The following KCNIP2 variants were observed in gnomAD, a reference collection of about 807,000 sequenced individuals.
KCNIP2 encodes potassium voltage-gated channel interacting protein 2.
Under a neutral mutation model 39.0 loss-of-function variants are expected in KCNIP2, and 19 were observed. That is an observed-to-expected ratio of 0.49 (90% CI 0.34 to 0.71). The LOEUF (loss-of-function observed/expected upper bound fraction) is 0.71. KCNIP2 is among the 30% of genes least tolerant of loss of function. KCNIP2 has a pLI of 0.01. For synonymous variants in KCNIP2, 111 were observed against 131.2 expected (o/e 0.85, Z 1.05); for missense variants, 261 against 346.0 (o/e 0.75, Z 1.95).
chr10:101,840,004 A>C, intron 1 of KCNIP2: 2 of 319,282 alleles, frequency 6.3e-6, no homozygotes, highest in Non-Finnish European at 1.0e-5. Context: ...GCCGCACGAG[A>C]GGAGCTCACC....
At chr10:101,829,365 A>G in intron 3 of KCNIP2, 166 bp from the exon 4 acceptor site, 1 of 850,678 alleles carries the variant, frequency 1.2e-6, no homozygotes, top group Non-Finnish European at 1.7e-6. Context: ...TAAGGAGAAA[A>G]GATGATGGCC....
chr10:101,840,873 A>G (rs1323171255), intron 1 of KCNIP2, among the ~76,000 whole-genome samples: 1 of 151,980 alleles, frequency 6.6e-6, no homozygotes, highest in Non-Finnish European at 1.5e-5. Context: ...AACAATACTC[A>G]GGGCCGGAGG....
At chr10:101,827,473 G>T (rs925353773) in intron 9 of KCNIP2, 73 bp from the exon 10 acceptor site, 2 of 1,491,136 alleles carry the variant, frequency 1.3e-6, no homozygotes, top group South Asian at 1.2e-5. Flanking sequence ...CAGTGAGAGG[G>T]ACACTGAGTC....
intron 1 of KCNIP2, among the ~76,000 whole-genome samples, chr10:101,836,271 T>A (rs1273205100): frequency 6.9e-6 from 1 of 145,574 alleles, no homozygotes; most frequent in East Asian, 2.0e-4. Context: ...GGCTTTTTTT[T>A]CTCTTTTTTT....
intron 1 of KCNIP2, chr10:101,839,913 G>T: frequency 1.4e-6 from 2 of 1,450,158 alleles, no homozygotes; most frequent in Non-Finnish European, 1.8e-6. Flanking sequence ...CCCTCACCCG[G>T]GTAGGCCCGC....
rs749986874 is a variant in KCNIP2 at position 101,828,307 on chromosome 10, A to G, written c.490-49T>C. 18 of 1,609,644 alleles carry G rather than the reference A, an allele frequency of 1.1e-5. No homozygotes were observed. Among genetic ancestry groups the G allele is most frequent in the Non-Finnish European group, 1.4e-5 (17 of 1,176,276 alleles). ...TGTGTCCTCGGGTACTCTTCACCCAACTCCTTCTCTGGGTTTGGCCTGGAG... is the reference window on the plus strand; with the variant it reads ...TGTGTCCTCGGGTACTCTTCACCCAGCTCCTTCTCTGGGTTTGGCCTGGAG... On this transcript the variant is annotated intron_variant, in intron 6 of 9. Coordinates refer to ENST00000356640, the MANE Select transcript of KCNIP2 (RefSeq NM_173191.3). The surrounding 1 kb of genome is among the most constrained non-coding windows in gnomAD (Gnocchi z 6.6).
At chr10:101,842,922 G>T (rs1453790049) in intron 1 of KCNIP2, among the ~76,000 whole-genome samples, 1 of 152,160 alleles carries the variant, frequency 6.6e-6, no homozygotes, top group Non-Finnish European at 1.5e-5. Flanking sequence ...GGTCATGAAG[G>T]CTTACAAAGA....
intron 2 of KCNIP2, 63 bp downstream of exon 2, chr10:101,831,009 T>G: frequency 2.2e-6 from 3 of 1,390,742 alleles, no homozygotes; most frequent in Non-Finnish European, 3.0e-6. Context: ...GCGCACACAC[T>G]CATGCACAGA....
At chr10:101,841,438 A>C (rs1564675826) in intron 1 of KCNIP2, among the ~76,000 whole-genome samples, 3 of 152,086 alleles carry the variant, frequency 2.0e-5, no homozygotes. Context: ...TGGCGTCCCA[A>C]CCCGATTTGT....
intron 1 of KCNIP2, among the ~76,000 whole-genome samples, chr10:101,841,095 GTTTT>G (rs1222399214): frequency 6.6e-6 from 1 of 152,218 alleles, no homozygotes; most frequent in Non-Finnish European, 1.5e-5. Flanking sequence ...GGCTCGGACT[GTTTT>G]TTGTTTTGTT....
At chr10:101,834,568 C>T (rs2066092330) in intron 1 of KCNIP2, among the ~76,000 whole-genome samples, 1 of 152,226 alleles carries the variant, frequency 6.6e-6, no homozygotes, top group Non-Finnish European at 1.5e-5. Flanking sequence ...GCCGCCGCCT[C>T]TTCCTCTTCG....
At position 101,828,460 on chromosome 10, in the gene KCNIP2, C is replaced by T. The variant is rs769251762; in HGVS notation, c.419-1G>A. Reference sequence around the variant, plus strand: ...AGAAAAGTGGCATAGGTGCTGGAGTCTGCAGGGTGAGTGTGGAGAAGTTGG... The same window carrying T: ...AGAAAAGTGGCATAGGTGCTGGAGTTTGCAGGGTGAGTGTGGAGAAGTTGG... On this transcript the variant is annotated splice_acceptor_variant, in intron 5 of 9. Transcript: ENST00000356640. LOFTEE classifies it high-confidence loss of function. This position sits in a 1 kb window ranked among gnomAD's most constrained non-coding sequence, Gnocchi z 6.6. The T allele has an allele frequency of 6.2e-7, 1 of 1,613,972 alleles. No homozygotes were observed. Among genetic ancestry groups the T allele is most frequent in the South Asian group, 1.1e-5 (1 of 90,932 alleles).
Position 101,843,418 on chromosome 10 carries a change from G to T in KCNIP2, c.73+78C>A. 1.0e-6 allele frequency: 1 copy of T among 963,380 alleles called. No individual in the cohort carries two copies. The highest frequency in any genetic ancestry group is 1.5e-6 in the Non-Finnish European group (1 of 688,862). The allele number at this position is 963,380 out of a possible 1,614,324, so 59.7% of individuals were successfully genotyped here. A position where few individuals can be genotyped will look rare whatever the true frequency, so the allele number is the denominator to read the frequency against. On this transcript the variant is annotated intron_variant, in intron 1 of 9. Coordinates refer to ENST00000356640, the MANE Select transcript of KCNIP2 (RefSeq NM_173191.3). This position sits in a 1 kb window ranked among gnomAD's most constrained non-coding sequence, Gnocchi z 6.7. ...GGGGCAGAGTGTGGGTGCGGGCCAGGCCGGGGTCGGAGAGGCGGAAGGGTC... is the reference window on the plus strand; with the variant it reads ...GGGGCAGAGTGTGGGTGCGGGCCAGTCCGGGGTCGGAGAGGCGGAAGGGTC...
intron 1 of KCNIP2, 47 bp from the exon 2 acceptor site, chr10:101,831,214 C>A: frequency 7.3e-7 from 1 of 1,363,836 alleles, no homozygotes; most frequent in South Asian, 1.3e-5. Context: ...TCCCATTGTC[C>A]CTCTGTTCCC....
At chr10:101,840,246 C>G (rs2066290327) in intron 1 of KCNIP2, among the ~76,000 whole-genome samples, 1 of 151,604 alleles carries the variant, frequency 6.6e-6, no homozygotes, top group African/African-American at 2.4e-5. Flanking sequence ...CCTCCCCGCA[C>G]CCTGCACCCC....
intron 1 of KCNIP2, among the ~76,000 whole-genome samples, chr10:101,832,336 G>C (rs867901979): frequency 2.6e-3 from 367 of 142,666 alleles, no homozygotes; most frequent in African/African-American, 8.0e-3. Context: ...GTGTGTGTGT[G>C]TGTGTCTGTG....
In KCNIP2 at chr10:101,827,156, C is replaced by G. The variant is rs1301197344; in HGVS notation, c.*197G>C. On this transcript the variant is annotated 3_prime_UTR_variant, in exon 10 of 10. Transcript: ENST00000356640. The stretch of plus-strand genomic sequence containing the variant: ...GAGCTGGTGGGAGTTGGGAACACCC[C>G]CCGAGATGCACTCTGCCCACTCTCT... 7.9e-7 allele frequency: 1 copy of G among 1,262,474 alleles called. No individual in the cohort carries two copies. The highest frequency in any genetic ancestry group is 1.0e-6 in the Non-Finnish European group (1 of 993,576). The allele number at this position is 1,262,474 out of a possible 1,614,324, so 78.2% of individuals were successfully genotyped here.
intron 1 of KCNIP2, among the ~76,000 whole-genome samples, chr10:101,840,550 A>ACCCC (rs5787446): frequency 1.0e-5 from 1 of 95,966 alleles, no homozygotes; most frequent in East Asian, 3.3e-4. Flanking sequence ...CCCCCCCCGC[A>ACCCC]CCCCCCCCCC....
In KCNIP2 at chr10:101,843,539, C is replaced by A; in HGVS notation, c.30G>T (p.Leu10Phe). 1 of 1,578,948 alleles carries A rather than the reference C, an allele frequency of 6.3e-7. No individual in the cohort carries two copies. The highest frequency in any genetic ancestry group is 8.6e-7 in the Non-Finnish European group (1 of 1,164,202). The change falls in exon 1 of 10, where the codon TTG (leucine) becomes TTT (phenylalanine). Residue 10 changes from leucine to phenylalanine, a missense_variant. Transcript: ENST00000356640. The surrounding 1 kb of genome is among the most constrained non-coding windows in gnomAD (Gnocchi z 6.7). ...AGCCGTCCAGGTCTCGGGAATCGGACAAACTCTCCTTGCGGCCCTGGCCCC... is the reference window on the plus strand; with the variant it reads ...AGCCGTCCAGGTCTCGGGAATCGGAAAAACTCTCCTTGCGGCCCTGGCCCC... MRGQGRKES[L>F]SDSRDLDGSY...
Sources: allele counts gnomAD v4.1 joint callset (sites outside exome capture counted in the v4.1 genomes callset), GRCh38; gene constraint gnomAD v4.1.1; non-coding constraint Gnocchi (gnomAD v3.1); transcripts MANE v1.5; gene names NCBI Gene and HGNC (gene_info 2026-07-23, HGNC 2026-07-21).